The following NPIPB2 variants were observed in gnomAD, a reference collection of about 807,000 sequenced individuals.
NPIPB2 encodes the protein nuclear pore complex interacting protein family member B2, also known as nuclear pore complex-interacting protein family member B2.
In NPIPB2, 27 loss-of-function variants were observed where a neutral mutation model predicts 30.8. That is an observed-to-expected ratio of 0.88 (90% CI 0.65 to 1.21). NPIPB2 has a LOEUF of 1.21. Among genes scored for constraint, NPIPB2 ranks in the 50% most tolerant of loss-of-function variants. The pLI, the probability that NPIPB2 is intolerant of heterozygous loss-of-function variation, is 0.00. For missense variants in NPIPB2, 440 were observed against 446.2 expected (o/e 0.99, Z 0.13); for synonymous variants, 147 against 162.0 (o/e 0.91, Z 0.70).
At chr16:11,933,703 G>C (rs1424352771) in exon 4 of NPIPB2, 2 of 1,596,906 alleles carry the variant, frequency 1.3e-6, no homozygotes, top group Middle Eastern at 2.3e-4. Flanking sequence ...CATACAAATG[G>C]ACCTCAGCCC....
chr16:11,936,248 G>C (rs2054866077), intron 2 of NPIPB2, among the ~76,000 whole-genome samples: 1 of 151,352 alleles, frequency 6.6e-6, no homozygotes. Flanking sequence ...AGGTTGCAGT[G>C]AGCCGAGGTC....
intron 1 of NPIPB2, among the ~76,000 whole-genome samples, chr16:11,952,859 C>T (rs2055080195): frequency 6.6e-6 from 1 of 152,112 alleles, no homozygotes; most frequent in Non-Finnish European, 1.5e-5. Flanking sequence ...AGCCACCGTG[C>T]CTGGCCCTTA....
At chr16:11,932,963 T>TAAA (rs770388601) in intron 4 of NPIPB2, among the ~76,000 whole-genome samples, 3 of 121,576 alleles carry the variant, frequency 2.5e-5, no homozygotes, top group Non-Finnish European at 5.4e-5. Flanking sequence ...ATCTCAAAAT[T>TAAA]AAAAAAAAAA....
At chr16:11,965,419 C>A in intron 1 of NPIPB2, 1 of 1,614,048 alleles carries the variant, frequency 6.2e-7, no homozygotes, top group Non-Finnish European at 8.5e-7. Context: ...TCTTCTAATA[C>A]TCCTCCTCTA....
chr16:11,945,037 A>T (rs2150922092), upstream of NPIPB2, among the ~76,000 whole-genome samples: 1 of 151,680 alleles, frequency 6.6e-6, no homozygotes, highest in East Asian at 2.0e-4. Flanking sequence ...AAAAAAAAAA[A>T]TTAGCCAGGC....
At chr16:11,967,586 C>T (rs749695144) in intron 1 of NPIPB2, 16 of 1,613,038 alleles carry the variant, frequency 9.9e-6, no homozygotes, top group Non-Finnish European at 1.3e-5. Context: ...GTCTCCTGGG[C>T]ATGGCTAACA....
chr16:11,930,616 C>A, intron 4 of NPIPB2, 65 bp from the exon 5 acceptor site: 3 of 1,164,346 alleles, frequency 2.6e-6, no homozygotes, highest in Non-Finnish European at 3.6e-6. Flanking sequence ...TTCCCTCTGC[C>A]CTTCTGGCAT....
intron 1 of NPIPB2, chr16:11,967,427 C>G (rs2055203523): frequency 3.7e-6 from 3 of 813,402 alleles, no homozygotes; most frequent in Middle Eastern, 6.5e-4. Flanking sequence ...TGAATGCAGC[C>G]TGGGCAACAC....
intron 1 of NPIPB2, among the ~76,000 whole-genome samples, chr16:11,939,735 C>T (rs1478031184): frequency 8.4e-6 from 1 of 119,062 alleles, no homozygotes; most frequent in Non-Finnish European, 1.8e-5. Context: ...ACATCGATTC[C>T]TCAGGATTTA....
At position 11,937,677 on chromosome 16, in the gene NPIPB2, A is replaced by G; in HGVS notation, c.64-9T>C. 1 of 1,598,314 alleles carries G rather than the reference A, an allele frequency of 6.3e-7. No homozygotes were observed. The highest frequency in any genetic ancestry group is 8.5e-7 in the Non-Finnish European group (1 of 1,179,102). On this transcript the variant is annotated splice_polypyrimidine_tract_variant and intron_variant, in intron 1 of 7. Coordinates refer to ENST00000399147, the Ensembl canonical transcript of NPIPB2. ...GCCAGAGTATTGATAACCTGGAATA[A>G]TAATAGTTGAAATAATGAAAAGGTC...
intron 1 of NPIPB2, among the ~76,000 whole-genome samples, chr16:11,975,341 G>C (rs1418420647): frequency 1.4e-5 from 2 of 147,060 alleles, no homozygotes; most frequent in East Asian, 4.2e-4. Context: ...TAGAGACGGG[G>C]TTTCACCGTT....
At chr16:11,955,036 G>C (rs1039842646) in intron 1 of NPIPB2, among the ~76,000 whole-genome samples, 1 of 151,890 alleles carries the variant, frequency 6.6e-6, no homozygotes, top group Non-Finnish European at 1.5e-5. Flanking sequence ...ACCTACATCT[G>C]CCTCTCCTGT....
intron 1 of NPIPB2, among the ~76,000 whole-genome samples, chr16:11,963,716 T>C (rs1200868109): frequency 1.3e-5 from 2 of 152,140 alleles, no homozygotes; most frequent in East Asian, 1.9e-4. Context: ...GACGTCTCTA[T>C]ATGGGTATTT....
intron 1 of NPIPB2, chr16:11,966,469 G>A: frequency 2.1e-6 from 2 of 960,750 alleles, no homozygotes; most frequent in Non-Finnish European, 3.0e-6. Context: ...TTAGAACATT[G>A]TTACATTAAA....
chr16:11,937,357 C>T (rs2150913912), intron 2 of NPIPB2, among the ~76,000 whole-genome samples, 183 bp downstream of exon 2: 1 of 152,290 alleles, frequency 6.6e-6, no homozygotes, highest in Middle Eastern at 3.4e-3. Context: ...AAACACTGAC[C>T]TATTTAATTT....
At chr16:11,931,889 G>A (rs1485318894) in intron 4 of NPIPB2, among the ~76,000 whole-genome samples, 2 of 152,124 alleles carry the variant, frequency 1.3e-5, no homozygotes, top group Admixed American at 6.6e-5. Flanking sequence ...CTTCGCATTT[G>A]GAACCCATTT....
intron 1 of NPIPB2, among the ~76,000 whole-genome samples, chr16:11,951,909 C>G (rs984769812): frequency 2.6e-5 from 4 of 152,076 alleles, no homozygotes; most frequent in Non-Finnish European, 5.9e-5. Flanking sequence ...CCTGTAATCC[C>G]AGCACTTTGG....
intron 1 of NPIPB2, among the ~76,000 whole-genome samples, chr16:11,969,744 G>A (rs2055223852): frequency 1.3e-5 from 2 of 152,154 alleles, no homozygotes; most frequent in South Asian, 2.1e-4. Flanking sequence ...TGTGATAACG[G>A]TGCACGACAT....
upstream of NPIPB2, among the ~76,000 whole-genome samples, chr16:11,946,112 A>G (rs1346171541): frequency 6.6e-6 from 1 of 151,946 alleles, no homozygotes; most frequent in Non-Finnish European, 1.5e-5. Flanking sequence ...AGAGCTGGGC[A>G]TGGTGGCTTA....
Sources: gnomAD v4.1 joint callset for allele counts (sites outside exome capture counted in the v4.1 genomes callset) on GRCh38, gnomAD v4.1.1 for gene constraint, MANE v1.5 for transcripts, NCBI Gene and HGNC (gene_info 2026-07-23, HGNC 2026-07-21) for gene names.